The following CHD8 variants were observed in gnomAD, a reference collection of about 807,000 sequenced individuals.
CHD8 encodes the protein chromodomain helicase DNA binding protein 8.
Under a neutral mutation model 279.2 loss-of-function variants are expected in CHD8, and 31 were observed. That is an observed-to-expected ratio of 0.11 (90% confidence interval 0.08 to 0.15). The LOEUF (loss-of-function observed/expected upper bound fraction) is 0.15, where lower values mean the gene tolerates loss of function less well. Ranked by LOEUF, CHD8 falls within the 10% of genes least tolerant of loss-of-function variation. The pLI is 1.00. For synonymous variants in CHD8, 1,081 were observed against 1,139.6 expected (o/e 0.95, Z 1.04); for missense variants, 2,146 against 3,230.5 (o/e 0.66, Z 8.14).
chr14:21,429,184 C>T lies in CHD8; in HGVS notation c.995G>A (p.Gly332Glu). 6.2e-7 allele frequency: 1 copy of T among 1,613,910 alleles called. No individual in the cohort carries two copies. The highest frequency in any genetic ancestry group is 1.1e-5 in the South Asian group (1 of 91,072). Residue 332 changes from glycine (G) to glutamate (E), a missense_variant, in exon 3 of 38, where the codon GGG (glycine) becomes GAG (glutamate). Gly to Glu is a moderately conservative substitution (Grantham distance 98). This residue lies in a region of CHD8 where 170 missense variants were observed against 189.9 expected (regional missense o/e 0.90). Transcript: ENST00000646647. ...AALTQAKNAQ[G>E]QPAKVVTIQL... is the part of the protein sequence containing the mutation. Reference sequence around the variant, plus strand: ...GATAGTTACTACCTTGGCAGGCTGCCCTTGGGCATTCTTGGCTTGAGTCAG... The same window carrying T: ...GATAGTTACTACCTTGGCAGGCTGCTCTTGGGCATTCTTGGCTTGAGTCAG...
At position 21,385,770 on chromosome 14, in the gene CHD8, C is replaced by T. The variant is rs1887195372; in HGVS notation, c.7589G>A (p.Arg2530Gln). Residue 2530 changes from arginine to glutamine, a missense_variant, in exon 38 of 38, where the codon CGG becomes CAG. Physicochemically the swap from Arg to Gln is conservative, Grantham distance 43 (BLOSUM62 1). This residue lies in a region of CHD8 where 336 missense variants were observed against 392.9 expected (regional missense o/e 0.86). Coordinates refer to ENST00000646647, the MANE Select transcript of CHD8 (RefSeq NM_001170629.2). ...PVTTASGTTL[R>Q]LPPLQPEEDD... is the part of the protein sequence containing the mutation. ...CTCCTCAGGTTGCAGTGGTGGCAAC[C>T]GCAAGGTAGTACCAGAGGCGGTAGT... The T allele has an allele frequency of 8.4e-6, 13 of 1,549,080 alleles. No individual in the cohort carries two copies. The highest frequency in any genetic ancestry group is 4.2e-5 in the African/African-American group (3 of 72,152).
intron 10 of CHD8, among the ~76,000 whole-genome samples, chr14:21,412,198 T>G (rs118153736): frequency 0.025 from 3,767 of 152,108 alleles, 52 homozygotes; most frequent in African/African-American, 0.033. Flanking sequence ...AGGAATGGAG[T>G]GCAATGGCAT....
At position 21,405,930 on chromosome 14, in the gene CHD8, A is replaced by C. The variant is rs1888235477; in HGVS notation, c.2908-66T>G. ...GAAGGACTTCTGGGGTTTCCTATCA[A>C]GTATATAATCTTTAACATATATAAC... On this transcript the variant is annotated intron_variant, in intron 14 of 37. Coordinates refer to ENST00000646647, the MANE Select transcript of CHD8 (RefSeq NM_001170629.2). The surrounding 1 kb of genome is among the most constrained non-coding windows in gnomAD (Gnocchi z 4.2). 1 of 1,309,282 alleles carries C rather than the reference A, an allele frequency of 7.6e-7. No individual in the cohort carries two copies. The highest frequency in any genetic ancestry group is 1.1e-6 in the Non-Finnish European group (1 of 943,730). The allele number at this position is 1,309,282 out of a possible 1,614,324, so 81.1% of individuals were successfully genotyped here.
intron 1 of CHD8, among the ~76,000 whole-genome samples, chr14:21,454,342 T>C (rs765863694): frequency 1.1e-4 from 16 of 152,100 alleles, no homozygotes; most frequent in Non-Finnish European, 1.9e-4. Context: ...TCCTTTGCTA[T>C]CCTCTGGCTG....
intron 37 of CHD8, among the ~76,000 whole-genome samples, chr14:21,388,505 T>G (rs1045761503): frequency 6.6e-6 from 1 of 152,182 alleles, no homozygotes. Flanking sequence ...ATTTATTTAT[T>G]TTTTGAGGCA....
chr14:21,403,436 G>T lies in CHD8; in HGVS notation c.3518+17C>A. ...TGAGGACAGAGTAACCACAGGCTAGGATGACTCTTTTCTTACCTCCTCTGG... is the reference window on the plus strand; with the variant it reads ...TGAGGACAGAGTAACCACAGGCTAGTATGACTCTTTTCTTACCTCCTCTGG... On this transcript the variant is annotated intron_variant, in intron 17 of 37. Coordinates refer to ENST00000646647, the MANE Select transcript of CHD8 (RefSeq NM_001170629.2). The surrounding 1 kb of genome is among the most constrained non-coding windows in gnomAD (Gnocchi z 4.3). 2.5e-6 allele frequency: 4 copies of T among 1,588,216 alleles called. No individual in the cohort carries two copies. Among genetic ancestry groups the T allele is most frequent in the Non-Finnish European group, 3.5e-6 (4 of 1,158,660 alleles).
rs1418170692 is a variant in CHD8 at position 21,429,072 on chromosome 14, G to C, written c.1107C>G (p.Ser369=). 45 of 1,614,052 alleles carry C rather than the reference G, an allele frequency of 2.8e-5. No homozygotes were observed. Among genetic ancestry groups the C allele is most frequent in the Non-Finnish European group, 3.6e-5 (42 of 1,179,896 alleles). ...SSQPQPQQPP[S]TQPVTLSSVQ... is the part of the protein sequence containing the mutation. ...CAGAGGACAGAGTCACTGGCTGGGTGGAGGGTGGCTGCTGGGGCTGTGGCT... is the reference window on the plus strand; with the variant it reads ...CAGAGGACAGAGTCACTGGCTGGGTCGAGGGTGGCTGCTGGGGCTGTGGCT... Residue 369 remains serine (S), a synonymous_variant, in exon 3 of 38, where the codon TCC becomes TCG. Coordinates refer to ENST00000646647, the MANE Select transcript of CHD8 (RefSeq NM_001170629.2).
At position 21,393,708 on chromosome 14, in the gene CHD8, C is replaced by A; in HGVS notation, c.6087G>T (p.Glu2029Asp). 6.2e-7 allele frequency: 1 copy of A among 1,613,964 alleles called. No homozygotes were observed. The highest frequency in any genetic ancestry group is 1.1e-5 in the South Asian group (1 of 91,076). ...LESLTLKLEH[E>D]VVARSRPTPQ... ...GGGTTGGTCGGCTCCTGGCCACCACCTCGTGCTCTAGCTTTAAAGTCAGAC... is the reference window on the plus strand; with the variant it reads ...GGGTTGGTCGGCTCCTGGCCACCACATCGTGCTCTAGCTTTAAAGTCAGAC... The change falls in exon 32 of 38, where the codon GAG becomes GAT. Residue 2029 changes from glutamate to aspartate, a missense_variant. Transcript: ENST00000646647.
chr14:21,414,851 G>A lies in CHD8; in HGVS notation c.2024+87C>T, dbSNP rs1278453545. 2.0e-5 allele frequency: 19 copies of A among 932,736 alleles called. No individual in the cohort carries two copies. The East Asian group carries it at 4.2e-4, about 20-fold the overall frequency. The allele number at this position is 932,736 out of a possible 1,614,324, so 57.8% of individuals were successfully genotyped here. A position where few individuals can be genotyped will look rare whatever the true frequency, so the allele number is the denominator to read the frequency against. On this transcript the variant is annotated intron_variant, in intron 8 of 37. Transcript: ENST00000646647. ...CCTGGGCTACAAGACTATAAAAAAG[G>A]GACACATTCCCACCCAGGATACCCA... is the stretch of plus-strand genomic sequence containing the variant.
intron 1 of CHD8, among the ~76,000 whole-genome samples, chr14:21,439,146 C>T (rs999885555): frequency 5.3e-5 from 8 of 151,958 alleles, no homozygotes; most frequent in Non-Finnish European, 7.4e-5. Context: ...AAAAAAAGGG[C>T]GGCTTATCTC....
chr14:21,406,264 G>T (rs1444554828), intron 14 of CHD8, among the ~76,000 whole-genome samples: 1 of 152,146 alleles, frequency 6.6e-6, no homozygotes, highest in Non-Finnish European at 1.5e-5. Flanking sequence ...TCCTAACAAG[G>T]TTCACCCCTA....
chr14:21,409,129 A>G (rs924940062), intron 11 of CHD8, among the ~76,000 whole-genome samples: 1 of 152,238 alleles, frequency 6.6e-6, no homozygotes, highest in Non-Finnish European at 1.5e-5. Flanking sequence ...AGCTTTCTAC[A>G]ACATTAAAAA....
chr14:21,395,166 A>G, intron 29 of CHD8, 47 bp from the exon 30 acceptor site: 1 of 1,576,216 alleles, frequency 6.3e-7, no homozygotes, highest in Non-Finnish European at 8.7e-7. Context: ...CAAGGGTAGT[A>G]GAGGCAATAC....
intron 1 of CHD8, among the ~76,000 whole-genome samples, chr14:21,453,307 T>C (rs1890303657): frequency 6.6e-6 from 1 of 151,524 alleles, no homozygotes; most frequent in African/African-American, 2.4e-5. Context: ...AATACAGAAA[T>C]TACATTCCCT....
At position 21,428,841 on chromosome 14, in the gene CHD8, C is replaced by A. The variant is rs188706485; in HGVS notation, c.1215+123G>T. On this transcript the variant is annotated intron_variant, in intron 3 of 37. Transcript: ENST00000646647. The stretch of plus-strand genomic sequence containing the variant: ...CATGAATGAAAGAATTAAGTCTGCA[C>A]CTCAGTTCAGAGATATAAATCTAGA... 177 of 799,488 alleles carry A rather than the reference C, an allele frequency of 2.2e-4. No individual in the cohort carries two copies. The East Asian group carries it at 4.5e-3, about 20-fold the overall frequency. The allele number at this position is 799,488 out of a possible 1,614,324, so 49.5% of individuals were successfully genotyped here. A position where few individuals can be genotyped will look rare whatever the true frequency, so the allele number is the denominator to read the frequency against.
At chr14:21,449,545 G>C (rs1295413645) in intron 1 of CHD8, among the ~76,000 whole-genome samples, 5 of 152,170 alleles carry the variant, frequency 3.3e-5, no homozygotes, top group Admixed American at 6.5e-5. Flanking sequence ...TAGAATGGCA[G>C]GACTGCTGGG....
chr14:21,385,468 A>C lies in CHD8; in HGVS notation c.*145T>G. On this transcript the variant is annotated 3_prime_UTR_variant, in exon 38 of 38. Coordinates refer to ENST00000646647, the MANE Select transcript of CHD8 (RefSeq NM_001170629.2). Reference sequence around the variant, plus strand: ...CTCTCATAATTGGGAGCAATCAGGTACATTTTTTTTTTTTTTTCCTTTTCA... The same window carrying C: ...CTCTCATAATTGGGAGCAATCAGGTCCATTTTTTTTTTTTTTTCCTTTTCA... 9.1e-7 allele frequency: 1 copy of C among 1,104,150 alleles called. No homozygotes were observed. Among genetic ancestry groups the C allele is most frequent in the Non-Finnish European group, 1.2e-6 (1 of 804,388 alleles). 68.4% of individuals were successfully genotyped at this position (1,104,150 alleles called of 1,614,324 possible).
At chr14:21,416,288 GT>G (rs1447323671) in intron 5 of CHD8, 3 of 162,354 alleles carry the variant, frequency 1.8e-5, no homozygotes, top group Non-Finnish European at 4.0e-5. Context: ...TAGTTCTGAA[GT>G]TTTTTTTGTT....
chr14:21,394,233 C>G (rs1445269728), intron 31 of CHD8, 38 bp from the exon 32 acceptor site: 2 of 1,611,882 alleles, frequency 1.2e-6, no homozygotes, highest in African/African-American at 2.7e-5. Context: ...AACAGAGTTG[C>G]TTCTGTTGGC....
Sources: gnomAD v4.1 joint callset for allele counts (sites outside exome capture counted in the v4.1 genomes callset) on GRCh38, gnomAD v4.1.1 for gene constraint, gnomAD v4.1.1 regional missense constraint, Gnocchi (gnomAD v3.1) non-coding constraint, MANE v1.5 for transcripts, NCBI Gene and HGNC (gene_info 2026-07-23, HGNC 2026-07-21) for gene names.